PCGF3: variants seen among roughly 807,000 people sequenced by gnomAD.
The protein encoded by PCGF3 is polycomb group ring finger 3, also known as polycomb group RING finger protein 3.
In PCGF3, 7 loss-of-function variants were observed where a neutral mutation model predicts 33.1. The ratio of observed to expected loss-of-function variants is 0.21; its 90% CI spans 0.12 to 0.40. PCGF3 has a LOEUF of 0.40. Among genes scored for constraint, PCGF3 ranks in the 10% least tolerant of loss-of-function variants. The probability of loss-of-function intolerance (pLI) is 1.00; values close to 1 mark genes in which losing one functional copy is unlikely to be tolerated. For missense variants in PCGF3, 211 were observed against 313.3 expected (o/e 0.67, Z 2.46); for synonymous variants, 153 against 121.3 (o/e 1.26, Z -1.72).
intron 8 of PCGF3, among the ~76,000 whole-genome samples, chr4:752,215 G>C (rs1431277579): frequency 1.3e-5 from 2 of 152,184 alleles, no homozygotes; most frequent in Non-Finnish European, 2.9e-5. Flanking sequence ...GTTCCCTCCT[G>C]AGGTCCCTGG....
intron 8 of PCGF3, among the ~76,000 whole-genome samples, chr4:758,632 GC>G (rs1744899198): frequency 8.3e-6 from 1 of 119,934 alleles, no homozygotes; most frequent in African/African-American, 3.3e-5. Flanking sequence ...TCCCCGCGCG[GC>G]CCCTCTCCCG....
At chr4:722,422 T>C (rs981379910) in intron 1 of PCGF3, 1 of 249,846 alleles carries the variant, frequency 4.0e-6, no homozygotes, top group Non-Finnish European at 7.9e-6. Flanking sequence ...TGCGGAGTGT[T>C]TTGGGGGTGT....
chr4:726,415 G>A (rs1037113739), intron 1 of PCGF3, among the ~76,000 whole-genome samples: 9 of 152,222 alleles, frequency 5.9e-5, no homozygotes, highest in African/African-American at 1.9e-4. Context: ...AGCCCACGGG[G>A]CACAGCCGGG....
exon 11 of PCGF3, chr4:768,471 T>C (rs1347094888): frequency 3.7e-5 from 3 of 80,964 alleles, no homozygotes; most frequent in Admixed American, 1.1e-4. Context: ...TTGGATTCTA[T>C]TGGTTTTTTT....
At chr4:727,098 G>C (rs1170483390) in intron 1 of PCGF3, among the ~76,000 whole-genome samples, 1 of 142,844 alleles carries the variant, frequency 7.0e-6, no homozygotes, top group African/African-American at 2.5e-5. Context: ...GCGTGGGGAG[G>C]GGTTACGCTG....
intron 8 of PCGF3, among the ~76,000 whole-genome samples, chr4:760,019 T>C (rs6823876): frequency 0.78 from 115,471 of 147,940 alleles, 45,708 homozygotes; most frequent in South Asian, 0.91. Flanking sequence ...GTCCCTCTCC[T>C]GTGATGCTTG....
At chr4:718,059 A>G (rs1040955570) in intron 1 of PCGF3, among the ~76,000 whole-genome samples, 21 of 152,142 alleles carry the variant, frequency 1.4e-4, no homozygotes, top group Non-Finnish European at 2.8e-4. Context: ...AGGGGGGCCC[A>G]GTGTGAGGGA....
At chr4:731,629 C>A (rs1361166693) in intron 3 of PCGF3, among the ~76,000 whole-genome samples, 1 of 80,240 alleles carries the variant, frequency 1.2e-5, no homozygotes, top group Non-Finnish European at 2.8e-5. Context: ...GGGCGTGGTC[C>A]TCAGGGGCGT....
At chr4:753,806 G>C (rs1744641134) in intron 8 of PCGF3, among the ~76,000 whole-genome samples, 2 of 151,824 alleles carry the variant, frequency 1.3e-5, no homozygotes, top group African/African-American at 4.8e-5. Context: ...AAATTAGCCG[G>C]GCATGGTGGT....
At chr4:753,579 C>T (rs1477436279) in intron 8 of PCGF3, among the ~76,000 whole-genome samples, 2 of 150,670 alleles carry the variant, frequency 1.3e-5, no homozygotes, top group African/African-American at 2.4e-5. Context: ...GGAGGCAGAG[C>T]TTGCAGTGAG....
At chr4:763,000 G>A (rs1745150220) in intron 9 of PCGF3, among the ~76,000 whole-genome samples, 1 of 152,072 alleles carries the variant, frequency 6.6e-6, no homozygotes, top group African/African-American at 2.4e-5. Context: ...GCACAGAGCA[G>A]AGGCTGTCAG....
intron 1 of PCGF3, among the ~76,000 whole-genome samples, chr4:719,904 G>A (rs1385479998): frequency 6.6e-6 from 1 of 152,194 alleles, no homozygotes; most frequent in African/African-American, 2.4e-5. Context: ...ATTATAGAGG[G>A]AGGGACTCTC....
At position 721,879 on chromosome 4, in the gene PCGF3, G is replaced by T. The variant is rs539358782; in HGVS notation, c.-189-8751G>T. Among the ~76,000 whole-genome samples, 2 of 150,278 alleles carry T rather than the reference G, an allele frequency of 1.3e-5. No homozygotes were observed. The highest frequency in any genetic ancestry group is 5.0e-5 in the African/African-American group (2 of 39,814). On this transcript the variant is annotated intron_variant, in intron 1 of 10. Coordinates refer to ENST00000362003, the Ensembl canonical transcript of PCGF3. The surrounding 1 kb of genome is among the most constrained non-coding windows in gnomAD (Gnocchi z 4.1). The stretch of plus-strand genomic sequence containing the variant: ...GAGGCCTGTGGGAGACTGGTGGATG[G>T]GTGGCTCTGCGTGTGGGCGTGGAGA...
At chr4:752,048 C>T (rs565046236) in intron 8 of PCGF3, among the ~76,000 whole-genome samples, 1 of 152,362 alleles carries the variant, frequency 6.6e-6, no homozygotes, top group Non-Finnish European at 1.5e-5. Flanking sequence ...GTCTTCTAAA[C>T]CAAAAATACT....
chr4:736,169 T>TC (rs1241608863), intron 5 of PCGF3, among the ~76,000 whole-genome samples: 2 of 152,076 alleles, frequency 1.3e-5, no homozygotes, highest in African/African-American at 4.8e-5. Context: ...TGCCTCAGCC[T>TC]CCCGAGTAGC....
Position 733,806 on chromosome 4 carries a change from C to A in PCGF3, c.109+17C>A. 1 of 1,613,706 alleles carries A rather than the reference C, an allele frequency of 6.2e-7. No individual in the cohort carries two copies. The highest frequency in any genetic ancestry group is 1.1e-5 in the South Asian group (1 of 91,086). ...TGCACACCTGTACGTGCCCTGCCCG[C>A]GCCACCCAGGGAGGGCGCGCCCTTC... On this transcript the variant is annotated intron_variant, in intron 4 of 10. Transcript: ENST00000362003.
At chr4:766,139 G>A (rs921433291) in exon 11 of PCGF3, 97 of 1,441,222 alleles carry the variant, frequency 6.7e-5, no homozygotes, top group Admixed American at 1.0e-4. Context: ...CCCGGCCGCC[G>A]CGCTTAAGAA....
intron 1 of PCGF3, among the ~76,000 whole-genome samples, chr4:717,641 G>A (rs1277104342): frequency 2.6e-5 from 4 of 152,218 alleles, no homozygotes; most frequent in African/African-American, 9.6e-5. Flanking sequence ...GCCTTGCAAA[G>A]TGCTGGGATT....
intron 9 of PCGF3, among the ~76,000 whole-genome samples, chr4:763,878 AGAAAT>A (rs1304424290): frequency 5.3e-5 from 8 of 152,230 alleles, no homozygotes; most frequent in African/African-American, 1.9e-4. Context: ...AGTACTGAAA[AGAAAT>A]GAGCAGTCGG....
Sources: allele counts gnomAD v4.1 joint callset (sites outside exome capture counted in the v4.1 genomes callset), GRCh38; gene constraint gnomAD v4.1.1; non-coding constraint Gnocchi (gnomAD v3.1); transcripts MANE v1.5; gene names NCBI Gene and HGNC (gene_info 2026-07-23, HGNC 2026-07-21).